The following NPY2R variants were observed in gnomAD, a reference collection of about 807,000 sequenced individuals.
The protein encoded by NPY2R is neuropeptide Y receptor type 2.
A neutral mutation model predicts 22.3 loss-of-function variants in NPY2R; 17 were observed. The observed-to-expected ratio is 0.76, with a 90% confidence interval of 0.52 to 1.14. NPY2R has a LOEUF of 1.14. Ranked by LOEUF, NPY2R falls within the 50% of genes most tolerant of loss-of-function variation. The pLI, the probability that NPY2R is intolerant of heterozygous loss-of-function variation, is 0.00. For synonymous variants in NPY2R, 209 were observed against 183.4 expected (o/e 1.14, Z -1.13); for missense variants, 424 against 467.9 (o/e 0.91, Z 0.87).
At chr4:155,195,105 A>T in the NPY2R span, among the ~76,000 whole-genome samples, 2 of 152,116 alleles carry the variant, frequency 1.3e-5, no homozygotes, top group Admixed American at 1.3e-4. Flanking sequence ...ATATCTACAA[A>T]TAATTTTATC....
At chr4:155,210,847 A>T (rs535173032) in intron 1 of NPY2R, among the ~76,000 whole-genome samples, 1 of 152,202 alleles carries the variant, frequency 6.6e-6, no homozygotes, top group Non-Finnish European at 1.5e-5. Context: ...GAGAAAAAAA[A>T]GTGAGATAAA....
upstream of NPY2R, chr4:155,207,384 A>T (rs1188706953): frequency 6.6e-6 from 1 of 152,208 alleles, no homozygotes; most frequent in Non-Finnish European, 1.5e-5. Context: ...TTCCAAGCAC[A>T]CCAGTATGAC....
At chr4:155,203,391 C>G in the NPY2R span, among the ~76,000 whole-genome samples, 28,847 of 152,032 alleles carry the variant, frequency 0.19, 3,445 homozygotes, top group East Asian at 0.42. Flanking sequence ...CTACTCGCTA[C>G]AAATGAAGGT....
chr4:155,191,181 C>A, the NPY2R span, among the ~76,000 whole-genome samples: 2 of 151,830 alleles, frequency 1.3e-5, no homozygotes, highest in Non-Finnish European at 2.9e-5. Context: ...AATGGAGATG[C>A]ATTCTCCCAA....
chr4:155,192,753 A>G, the NPY2R span, among the ~76,000 whole-genome samples: 4 of 151,928 alleles, frequency 2.6e-5, no homozygotes, highest in East Asian at 1.9e-4. Context: ...TACGACTAAC[A>G]TTATTGTGAG....
chr4:155,182,725 A>C, the NPY2R span, among the ~76,000 whole-genome samples: 1 of 152,154 alleles, frequency 6.6e-6, no homozygotes, highest in South Asian at 2.1e-4. Flanking sequence ...GAGAGTGACC[A>C]TCTGAACATG....
At chr4:155,201,621 G>A in the NPY2R span, among the ~76,000 whole-genome samples, 1 of 152,076 alleles carries the variant, frequency 6.6e-6, no homozygotes, top group South Asian at 2.1e-4. Context: ...ATGATCACAT[G>A]CCCTTTTAAT....
At chr4:155,212,197 A>G (rs1729420173) in intron 1 of NPY2R, among the ~76,000 whole-genome samples, 1 of 152,240 alleles carries the variant, frequency 6.6e-6, no homozygotes, top group African/African-American at 2.4e-5. Context: ...AAAGGTTCAT[A>G]AAAACAAATT....
At chr4:155,201,014 GTAAAA>G in the NPY2R span, among the ~76,000 whole-genome samples, 42 of 151,148 alleles carry the variant, frequency 2.8e-4, no homozygotes, top group African/African-American at 7.8e-4. Flanking sequence ...GGAACTTAAA[GTAAAA>G]TAAAATAAAA....
At chr4:155,209,200 G>A (rs1729350511) in intron 1 of NPY2R, 131 bp downstream of exon 1, 1 of 152,208 alleles carries the variant, frequency 6.6e-6, no homozygotes, top group African/African-American at 2.4e-5. Flanking sequence ...CCTTTAGGCG[G>A]GAGGTGGCGA....
Position 155,214,364 on chromosome 4 carries a change from C to T in NPY2R, c.425C>T (p.Thr142Ile), listed in dbSNP as rs1234721549. The change falls in exon 2 of 2, where the codon ACA (threonine) becomes ATA (isoleucine). Residue 142 changes from threonine (T) to isoleucine (I), a missense_variant. By Grantham distance (89) the Thr-to-Ile change is moderately conservative. Coordinates refer to ENST00000329476, the MANE Select transcript of NPY2R (RefSeq NM_000910.4). The stretch of plus-strand genomic sequence containing the variant: ...GTACAAGTATCCACAATCACCTTGA[C>T]AGTAATTGCCCTGGACCGGCACAGG... ...LAVQVSTITL[T>I]VIALDRHRCI... The T allele has an allele frequency of 3.1e-6, 5 of 1,614,048 alleles. No individual in the cohort carries two copies. In the African/African-American group the frequency reaches 4.0e-5, roughly 13 times the overall value.
In NPY2R at chr4:155,215,174, C is replaced by T. The variant is rs1204432651; in HGVS notation, c.*89C>T. The T allele has an allele frequency of 1.6e-6, 2 of 1,225,722 alleles. No individual in the cohort carries two copies. Among genetic ancestry groups the T allele is most frequent in the Non-Finnish European group, 2.4e-6 (2 of 839,346 alleles). The allele number at this position is 1,225,722 out of a possible 1,614,324, so 75.9% of individuals were successfully genotyped here. A position where few individuals can be genotyped will look rare whatever the true frequency, so the allele number is the denominator to read the frequency against. On this transcript the variant is annotated 3_prime_UTR_variant, in exon 2 of 2. Coordinates refer to ENST00000329476, the MANE Select transcript of NPY2R (RefSeq NM_000910.4). ...GGCTCACAAGTGAAAACTGATTTCCCATTTTAAAGAAGAAGTGGATCTAAA... is the reference window on the plus strand; with the variant it reads ...GGCTCACAAGTGAAAACTGATTTCCTATTTTAAAGAAGAAGTGGATCTAAA...
the NPY2R span, among the ~76,000 whole-genome samples, chr4:155,177,531 C>T: frequency 1.3e-5 from 2 of 152,170 alleles, no homozygotes; most frequent in African/African-American, 2.4e-5. Flanking sequence ...ATTTAAGCCC[C>T]CTGCCTACAG....
At chr4:155,200,812 A>G in the NPY2R span, among the ~76,000 whole-genome samples, 1 of 152,140 alleles carries the variant, frequency 6.6e-6, no homozygotes, top group African/African-American at 2.4e-5. Flanking sequence ...ATGAGAACAC[A>G]TGGACACAGG....
In NPY2R at chr4:155,214,647, A is replaced by G; in HGVS notation, c.708A>G (p.Ser236=). 6.2e-7 allele frequency: 1 copy of G among 1,614,070 alleles called. No individual in the cohort carries two copies. The highest frequency in any genetic ancestry group is 8.5e-7 in the Non-Finnish European group (1 of 1,180,024). The change falls in exon 2 of 2, where the codon TCA becomes TCG. Residue 236 remains serine (S), a synonymous_variant. Coordinates refer to ENST00000329476, the MANE Select transcript of NPY2R (RefSeq NM_000910.4). ...ATGTTTTGCCTCTGGGCATTATATC[A>G]TTTTCCTACACTCGCATTTGGAGTA... ...ILYVLPLGII[S]FSYTRIWSKL...
the NPY2R span, among the ~76,000 whole-genome samples, chr4:155,175,425 A>G: frequency 6.6e-6 from 1 of 152,152 alleles, no homozygotes; most frequent in African/African-American, 2.4e-5. Context: ...TACTATCTGT[A>G]TTAAAACCAA....
upstream of NPY2R, chr4:155,208,501 A>G (rs1259472990): frequency 6.6e-6 from 1 of 152,366 alleles, no homozygotes; most frequent in Admixed American, 6.5e-5. This position sits in a 1 kb window ranked among gnomAD's most constrained non-coding sequence, Gnocchi z 5.6. Context: ...GGGTGGCGCA[A>G]ACGCCCAGAG....
At chr4:155,195,877 G>T in the NPY2R span, among the ~76,000 whole-genome samples, 9 of 151,980 alleles carry the variant, frequency 5.9e-5, no homozygotes, top group African/African-American at 2.2e-4. Context: ...AGAGCTGTTA[G>T]AAGATTATAA....
At chr4:155,186,010 G>A in the NPY2R span, among the ~76,000 whole-genome samples, 35 of 152,162 alleles carry the variant, frequency 2.3e-4, no homozygotes, top group Non-Finnish European at 4.6e-4. Context: ...AGACCAGAAA[G>A]TATCGCCACT....
Sources: gnomAD v4.1 joint callset for allele counts (sites outside exome capture counted in the v4.1 genomes callset) on GRCh38, gnomAD v4.1.1 for gene constraint, Gnocchi (gnomAD v3.1) non-coding constraint, MANE v1.5 for transcripts, NCBI Gene and HGNC (gene_info 2026-07-23, HGNC 2026-07-21) for gene names.